The following DEPTOR variants were observed in gnomAD, a reference collection of about 807,000 sequenced individuals.
The protein encoded by DEPTOR is DEP domain-containing mTOR-interacting protein.
In DEPTOR, 41 loss-of-function variants were observed where a neutral mutation model predicts 41.6. The ratio of observed to expected loss-of-function variants is 0.98; its 90% CI spans 0.77 to 1.28. DEPTOR has a LOEUF of 1.28. Ranked by LOEUF, DEPTOR falls within the 50% of genes most tolerant of loss-of-function variation. The probability of loss-of-function intolerance (pLI) is 0.00; values close to 1 mark genes in which losing one functional copy is unlikely to be tolerated. For synonymous variants in DEPTOR, 195 were observed against 192.3 expected, an observed-to-expected ratio of 1.01 and a Z score of -0.12; for missense variants, 514 against 527.9, an observed-to-expected ratio of 0.97 and a Z score of 0.26.
At chr8:119,962,593 C>G (rs1221621083) in intron 3 of DEPTOR, among the ~76,000 whole-genome samples, 1 of 152,076 alleles carries the variant, frequency 6.6e-6, no homozygotes, top group East Asian at 1.9e-4. Context: ...GAATTTTGGT[C>G]TTTATCCTAA....
intron 8 of DEPTOR, among the ~76,000 whole-genome samples, chr8:120,042,440 G>T (rs1813090332): frequency 6.6e-6 from 1 of 152,194 alleles, no homozygotes. Context: ...CAGGACATTG[G>T]AATTGCTGGA....
intron 4 of DEPTOR, among the ~76,000 whole-genome samples, chr8:119,989,422 G>A (rs548071417): frequency 6.6e-5 from 10 of 152,138 alleles, no homozygotes; most frequent in African/African-American, 9.7e-5. Flanking sequence ...CTGCCTCCTC[G>A]TTTCCATGAT....
chr8:120,003,158 G>T (rs562699943), intron 6 of DEPTOR, 47 bp downstream of exon 6: 1 of 1,592,936 alleles, frequency 6.3e-7, no homozygotes, highest in South Asian at 1.1e-5. Flanking sequence ...TGGGGACTTG[G>T]GCAGGTCCCT....
intron 4 of DEPTOR, among the ~76,000 whole-genome samples, chr8:119,972,813 A>C (rs1828650664): frequency 2.0e-5 from 3 of 152,204 alleles, no homozygotes; most frequent in Non-Finnish European, 4.4e-5. Flanking sequence ...ATCAGCCGAC[A>C]TAGCCTGGCA....
intron 1 of DEPTOR, among the ~76,000 whole-genome samples, chr8:119,910,942 G>GGT (rs375412187): frequency 2.8e-4 from 42 of 151,824 alleles, no homozygotes; most frequent in Admixed American, 4.6e-4. Context: ...TTCCTAGAGG[G>GGT]GTGTGTGTGT....
At chr8:119,986,387 G>A (rs1378686121) in intron 4 of DEPTOR, among the ~76,000 whole-genome samples, 3 of 152,148 alleles carry the variant, frequency 2.0e-5, no homozygotes, top group Non-Finnish European at 2.9e-5. Flanking sequence ...AGTTTCTTCT[G>A]AGAGATCTGC....
intron 8 of DEPTOR, among the ~76,000 whole-genome samples, chr8:120,024,946 C>T (rs983415806): frequency 4.6e-5 from 7 of 152,084 alleles, no homozygotes; most frequent in Non-Finnish European, 4.4e-5. Context: ...TAGTTTCTGT[C>T]ATTGACCGGA....
chr8:119,900,572 A>G (rs934782470), intron 1 of DEPTOR, among the ~76,000 whole-genome samples: 7 of 150,528 alleles, frequency 4.7e-5, no homozygotes, highest in Non-Finnish European at 8.9e-5. Context: ...TTTTTTTTGG[A>G]ATGACAAGGT....
chr8:119,881,821 A>G (rs888457829), intron 1 of DEPTOR, among the ~76,000 whole-genome samples: 1 of 152,188 alleles, frequency 6.6e-6, no homozygotes, highest in South Asian at 2.1e-4. Context: ...GGAAATGAAG[A>G]GTCCCTGTAT....
intron 1 of DEPTOR, among the ~76,000 whole-genome samples, chr8:119,916,540 A>C (rs1212536336): frequency 1.3e-5 from 2 of 152,160 alleles, no homozygotes; most frequent in Non-Finnish European, 2.9e-5. Context: ...TAAAGAATTA[A>C]AGTTAGTTTT....
At chr8:119,910,541 C>G (rs1380564939) in intron 1 of DEPTOR, among the ~76,000 whole-genome samples, 1 of 152,074 alleles carries the variant, frequency 6.6e-6, no homozygotes, top group Non-Finnish European at 1.5e-5. Flanking sequence ...CAACCTCCGC[C>G]TCCCGGTTTC....
Position 120,009,015 on chromosome 8 carries a change from G to A in DEPTOR, c.997-14G>A, listed in dbSNP as rs763265051. On this transcript the variant is annotated splice_polypyrimidine_tract_variant and intron_variant, in intron 7 of 8. Transcript: ENST00000286234. ...GACAGTCGGCTGCTTGCTAATTGTG[G>A]TTTTCCTCTCTAGATTGTTGGTGAC... The A allele has an allele frequency of 3.1e-6, 5 of 1,613,726 alleles. No individual in the cohort carries two copies. Among genetic ancestry groups the A allele is most frequent in the Non-Finnish European group, 4.2e-6 (5 of 1,179,870 alleles).
intron 1 of DEPTOR, among the ~76,000 whole-genome samples, chr8:119,921,830 G>A (rs372176426): frequency 2.0e-5 from 3 of 149,758 alleles, no homozygotes; most frequent in East Asian, 1.9e-4. Flanking sequence ...GCATGATATC[G>A]ACTCACTGTA....
At chr8:119,874,026 G>A (rs917526212) in intron 1 of DEPTOR, 58 bp downstream of exon 1, 2 of 1,593,756 alleles carry the variant, frequency 1.3e-6, no homozygotes, top group South Asian at 1.1e-5. Flanking sequence ...CGTGCCCGCT[G>A]CAGTCCTGCG....
chr8:119,982,891 C>T (rs996391611), intron 4 of DEPTOR, among the ~76,000 whole-genome samples: 2 of 152,220 alleles, frequency 1.3e-5, no homozygotes, highest in South Asian at 2.1e-4. Flanking sequence ...GGAAGGCAGT[C>T]GGTGACTCAT....
chr8:120,049,671 T>A lies in DEPTOR; in HGVS notation c.1197T>A (p.Ile399=), dbSNP rs1813206216. 1 of 1,614,038 alleles carries A rather than the reference T, an allele frequency of 6.2e-7. No individual in the cohort carries two copies. The highest frequency in any genetic ancestry group is 8.5e-7 in the Non-Finnish European group (1 of 1,179,918). Residue 399 remains isoleucine (I), a synonymous_variant, in exon 9 of 9, where the codon ATT becomes ATA. Coordinates refer to ENST00000286234, the MANE Select transcript of DEPTOR (RefSeq NM_022783.4). The part of the protein sequence containing the change: ...SNLILTGPRT[I]VMEVMEELEC ...TGATTCTGACGGGCCCACGGACGAT[T>A]GTCATGGAAGTCATGGAGGAGTTAG... is the stretch of plus-strand genomic sequence containing the variant.
intron 3 of DEPTOR, among the ~76,000 whole-genome samples, chr8:119,948,294 T>C (rs376190746): frequency 9.7e-4 from 147 of 152,254 alleles, no homozygotes; most frequent in African/African-American, 3.3e-3. Context: ...GTGCCTGTAA[T>C]CCCGCTCCTT....
rs747352876 is a variant in DEPTOR, at chr8:119,929,930, A to G, written c.417A>G (p.Leu139=). The G allele has an allele frequency of 3.0e-5, 49 of 1,611,958 alleles. 1 individual carries two copies. The South Asian group carries it at 4.8e-4, about 16-fold the overall frequency. The part of the protein sequence containing the change: ...EVKAFMRGQR[L]YEKLMSPENT... Reference sequence around the variant, plus strand: ...AGGCCTTTATGAGAGGACAGAGGCTATATGAAAAGTATGTTCCGCATGAAA... The same window carrying G: ...AGGCCTTTATGAGAGGACAGAGGCTGTATGAAAAGTATGTTCCGCATGAAA... Residue 139 remains leucine (L), a synonymous_variant, in exon 3 of 9, where the codon CTA becomes CTG. Coordinates refer to ENST00000286234, the MANE Select transcript of DEPTOR (RefSeq NM_022783.4).
At chr8:119,936,639 T>C (rs1828117470) in intron 3 of DEPTOR, among the ~76,000 whole-genome samples, 2 of 152,220 alleles carry the variant, frequency 1.3e-5, no homozygotes, top group Non-Finnish European at 2.9e-5. Context: ...AAAAAAGTCT[T>C]CAAGCTTTTG....
Sources: gnomAD v4.1 joint callset for allele counts (sites outside exome capture counted in the v4.1 genomes callset) on GRCh38, gnomAD v4.1.1 for gene constraint, MANE v1.5 for transcripts, NCBI Gene and HGNC (gene_info 2026-07-23, HGNC 2026-07-21) for gene names.